Variants in MBD5 observed in about 807,000 individuals in gnomAD.
MBD5 encodes the protein methyl-CpG binding domain protein 5.
A neutral mutation model predicts 117.3 loss-of-function variants in MBD5; 13 were observed. That is an observed-to-expected ratio of 0.11 (90% CI 0.07 to 0.18). The LOEUF (loss-of-function observed/expected upper bound fraction) is 0.18, where lower values mean the gene tolerates loss of function less well. Among genes scored for constraint, MBD5 ranks in the 10% least tolerant of loss-of-function variants. MBD5 has a pLI of 1.00. For synonymous variants in MBD5, 727 were observed against 766.4 expected (o/e 0.95, Z 0.85); for missense variants, 1,879 against 2,093.8 (o/e 0.90, Z 2.00).
chr2:148,052,275 A>G (rs1168004343), intron 1 of MBD5, among the ~76,000 whole-genome samples: 4 of 133,462 alleles, frequency 3.0e-5, no homozygotes, highest in Non-Finnish European at 6.2e-5. Context: ...CAATGGTGCA[A>G]TCTTGGCTCA....
At chr2:148,060,758 A>G (rs1252371047) in intron 1 of MBD5, among the ~76,000 whole-genome samples, 2 of 152,134 alleles carry the variant, frequency 1.3e-5, no homozygotes, top group African/African-American at 2.4e-5. Flanking sequence ...TTCTCCCTAA[A>G]TGCCTTACTT....
At chr2:148,220,638 T>C (rs1167556315) in intron 2 of MBD5, among the ~76,000 whole-genome samples, 1 of 152,168 alleles carries the variant, frequency 6.6e-6, no homozygotes, top group Admixed American at 6.6e-5. Context: ...TACCTATGTG[T>C]ATATATTTGT....
intron 1 of MBD5, among the ~76,000 whole-genome samples, chr2:148,094,628 G>T (rs1347659169): frequency 3.3e-5 from 5 of 152,110 alleles, no homozygotes. Flanking sequence ...TGAAGCCAGG[G>T]TGTTATCTGT....
chr2:148,132,345 T>TAC (rs1280390503), intron 1 of MBD5, among the ~76,000 whole-genome samples: 7 of 146,832 alleles, frequency 4.8e-5, no homozygotes, highest in Non-Finnish European at 7.5e-5. Context: ...TATATATATA[T>TAC]ATATACACAT....
At chr2:148,161,593 G>A (rs192993612) in intron 1 of MBD5, among the ~76,000 whole-genome samples, 8 of 152,100 alleles carry the variant, frequency 5.3e-5, no homozygotes, top group African/African-American at 7.2e-5. Flanking sequence ...GAGTGTAGCC[G>A]TTTACTAGGG....
intron 1 of MBD5, among the ~76,000 whole-genome samples, chr2:148,091,551 G>A (rs1033093011): frequency 6.6e-6 from 1 of 151,954 alleles, no homozygotes; most frequent in South Asian, 2.1e-4. Context: ...GAAACATAAA[G>A]TGGAGAAAGG....
intron 4 of MBD5, among the ~76,000 whole-genome samples, chr2:148,360,840 TA>T (rs1386938297): frequency 2.0e-5 from 3 of 152,150 alleles, no homozygotes; most frequent in African/African-American, 7.2e-5. Flanking sequence ...CAAAAACAAA[TA>T]AAAAATAATG....
intron 1 of MBD5, among the ~76,000 whole-genome samples, chr2:148,061,026 C>A (rs1280498239): frequency 6.6e-6 from 1 of 152,056 alleles, no homozygotes; most frequent in Non-Finnish European, 1.5e-5. Context: ...TTTTCCCAAT[C>A]CCAGAATGAC....
intron 3 of MBD5, among the ~76,000 whole-genome samples, chr2:148,294,317 C>T (rs1368349950): frequency 4.0e-5 from 6 of 148,684 alleles, no homozygotes; most frequent in Non-Finnish European, 5.9e-5. Flanking sequence ...CTCTGCCTCC[C>T]GGGTTCACGC....
intron 2 of MBD5, among the ~76,000 whole-genome samples, chr2:148,209,752 G>A (rs1222264893): frequency 2.0e-5 from 3 of 152,114 alleles, no homozygotes; most frequent in African/African-American, 7.2e-5. Context: ...ATGGTGAAAG[G>A]CAAAGCATGT....
At chr2:148,050,123 A>C (rs1694653115) in intron 1 of MBD5, among the ~76,000 whole-genome samples, 1 of 152,144 alleles carries the variant, frequency 6.6e-6, no homozygotes, top group African/African-American at 2.4e-5. Context: ...GGAACTACCA[A>C]ACTGTTTTTC....
intron 3 of MBD5, among the ~76,000 whole-genome samples, chr2:148,327,300 T>C (rs1702481503): frequency 6.6e-6 from 1 of 152,118 alleles, no homozygotes; most frequent in Admixed American, 6.5e-5. Context: ...TTGATGAATC[T>C]GACAATTATG....
intron 4 of MBD5, among the ~76,000 whole-genome samples, chr2:148,439,093 T>C (rs1229216758): frequency 6.6e-6 from 1 of 152,188 alleles, no homozygotes; most frequent in East Asian, 1.9e-4. Context: ...AAAGTAATAG[T>C]TCCACCTAAC....
chr2:148,184,232 T>A (rs967831931), intron 2 of MBD5, among the ~76,000 whole-genome samples: 8 of 152,066 alleles, frequency 5.3e-5, no homozygotes, highest in African/African-American at 1.4e-4. Context: ...AGGCTGGTCT[T>A]GAACTCCTGA....
At chr2:148,152,492 C>G (rs2105665663) in intron 1 of MBD5, among the ~76,000 whole-genome samples, 1 of 151,734 alleles carries the variant, frequency 6.6e-6, no homozygotes, top group South Asian at 2.1e-4. Flanking sequence ...CCTGGGTATC[C>G]TTGTTGACTT....
chr2:148,264,909 G>C (rs1033334204), intron 3 of MBD5: 11 of 152,090 alleles, frequency 7.2e-5, no homozygotes, highest in Non-Finnish European at 4.4e-5. Flanking sequence ...GCATTAGTTT[G>C]GTTAACAAAG....
At position 148,294,509 on chromosome 2, in the gene MBD5, T is replaced by TTTTTTGTTTTTGTTTTTTTTTGTTTG. The variant is rs750245317; in HGVS notation, c.-679-47700_-679-47699insGTTTTTGTTTTTTTTTGTTTGTTTTT. On this transcript the variant is annotated intron_variant, in intron 3 of 13. Transcript: ENST00000642680. ...AAAGTGCTGGGATTACAGTTTTTTT[T>TTTTTTGTTTTTGTTTTTTTTTGTTTG]TTTTTTTTTTTTGAGATAGAGCTGG... 5.6e-3 allele frequency among the ~76,000 whole-genome samples: 724 copies of TTTTTTGTTTTTGTTTTTTTTTGTTTG among 130,038 alleles called. 18 individuals carry two copies. Among genetic ancestry groups the TTTTTTGTTTTTGTTTTTTTTTGTTTG allele is most frequent in the Non-Finnish European group, 9.0e-3 (545 of 60,732 alleles). The allele number at this position is 130,038 out of a possible 152,430, so 85.3% of individuals were successfully genotyped here.
intron 3 of MBD5, among the ~76,000 whole-genome samples, chr2:148,341,227 C>T (rs971157994): frequency 6.6e-6 from 1 of 151,952 alleles, no homozygotes; most frequent in Admixed American, 6.6e-5. Flanking sequence ...GTACCACAAT[C>T]CATATAGGTG....
intron 3 of MBD5, among the ~76,000 whole-genome samples, chr2:148,328,319 G>A (rs1702524171): frequency 6.6e-6 from 1 of 152,150 alleles, no homozygotes; most frequent in African/African-American, 2.4e-5. Context: ...GCCCCCAGAG[G>A]TGGAGCCTAC....
Sources: allele counts gnomAD v4.1 joint callset (sites outside exome capture counted in the v4.1 genomes callset), GRCh38; gene constraint gnomAD v4.1.1; transcripts MANE v1.5; gene names NCBI Gene and HGNC (gene_info 2026-07-23, HGNC 2026-07-21).